Variants in ZNF875 observed in about 807,000 individuals in gnomAD.
The protein encoded by ZNF875 is zinc finger protein 875.
A neutral mutation model predicts 11.2 loss-of-function variants in ZNF875; 14 were observed. The ratio of observed to expected loss-of-function variants is 1.26; its 90% confidence interval spans 0.83 to 1.96. ZNF875 has a LOEUF of 1.96. ZNF875 is among the 30% of genes most tolerant of loss of function. The pLI, the probability that ZNF875 is intolerant of heterozygous loss-of-function variation, is 0.00. For missense variants in ZNF875, 752 were observed against 760.4 expected (o/e 0.99, Z 0.13); for synonymous variants, 301 against 281.1 (o/e 1.07, Z -0.71).
chr19:37,343,937 G>C (rs969234587), intron 2 of ZNF875, among the ~76,000 whole-genome samples: 2 of 152,146 alleles, frequency 1.3e-5, no homozygotes, highest in African/African-American at 4.8e-5. Context: ...CACAGAGAGA[G>C]TGCACTTTGG....
At chr19:37,332,594 C>G (rs1375507058), upstream of ZNF875, among the ~76,000 whole-genome samples, 1 of 152,224 alleles carries the variant, frequency 6.6e-6, no homozygotes, top group African/African-American at 2.4e-5. Flanking sequence ...AGGTTTAGAT[C>G]TGAAGTATTT....
chr19:37,314,290 T>A (rs1178976661), upstream of ZNF875, among the ~76,000 whole-genome samples: 2 of 152,080 alleles, frequency 1.3e-5, no homozygotes, highest in South Asian at 2.1e-4. Flanking sequence ...TATTATTATT[T>A]TTTTTATAGA....
chr19:37,359,142 C>T (rs574275243), intron 4 of ZNF875, among the ~76,000 whole-genome samples: 10 of 150,836 alleles, frequency 6.6e-5, no homozygotes, highest in South Asian at 4.2e-4. Flanking sequence ...TCAGGTGATC[C>T]GCCACCTCAG....
chr19:37,326,948 G>T (rs1268048941), intron 4 of ZNF875, among the ~76,000 whole-genome samples: 1 of 151,274 alleles, frequency 6.6e-6, no homozygotes, highest in Non-Finnish European at 1.5e-5. Context: ...GATTACAAGG[G>T]TGGGCCACCA....
chr19:37,360,608 A>G (rs966268189), intron 4 of ZNF875, among the ~76,000 whole-genome samples: 3 of 152,230 alleles, frequency 2.0e-5, no homozygotes, highest in South Asian at 2.1e-4. Context: ...TCATTCAACA[A>G]TGTTTGTTAA....
At chr19:37,321,023 C>T (rs187522060) in intron 1 of ZNF875, among the ~76,000 whole-genome samples, 1 of 152,120 alleles carries the variant, frequency 6.6e-6, no homozygotes. Flanking sequence ...AGGCAGCATG[C>T]TTGTTAAAAG....
intron 2 of ZNF875, among the ~76,000 whole-genome samples, chr19:37,339,376 ACTC>A (rs2035189118): frequency 6.6e-6 from 1 of 151,644 alleles, no homozygotes; most frequent in Non-Finnish European, 1.5e-5. Flanking sequence ...CAATTTTTGG[ACTC>A]CTGTTTCCAA....
At chr19:37,332,332 G>T (rs1281735633), upstream of ZNF875, among the ~76,000 whole-genome samples, 3 of 151,080 alleles carry the variant, frequency 2.0e-5, no homozygotes. Context: ...CCCACCTTAC[G>T]AGAAACACCC....
Position 37,334,746 on chromosome 19 carries a change from T to A in ZNF875, c.-93T>A, listed in dbSNP as rs1568579369. The A allele has an allele frequency of 2.2e-6, 1 of 456,260 alleles. No homozygotes were observed. The highest frequency in any genetic ancestry group is 1.5e-5 in the South Asian group (1 of 64,566). 28.3% of individuals were successfully genotyped at this position (456,260 alleles called of 1,614,324 possible). On this transcript the variant is annotated 5_prime_UTR_variant, in exon 1 of 5. Transcript: ENST00000392153. ...ACACCTCTGCACCTTGTTACCTGAC[T>A]TTCGGCTTCAGGATCCGCAGCGTGC...
chr19:37,320,121 C>G (rs1242301949), intron 1 of ZNF875, among the ~76,000 whole-genome samples: 3 of 152,134 alleles, frequency 2.0e-5, no homozygotes, highest in African/African-American at 4.8e-5. Flanking sequence ...GTAATCCACC[C>G]GCCTCGGCCT....
chr19:37,325,683 C>G (rs779530802), intron 4 of ZNF875, among the ~76,000 whole-genome samples: 7 of 151,666 alleles, frequency 4.6e-5, no homozygotes, highest in Admixed American at 2.0e-4. Context: ...GTAGTTTGGA[C>G]TACAGGCACA....
At chr19:37,361,688 C>G (rs2039948563) in intron 4 of ZNF875, among the ~76,000 whole-genome samples, 1 of 151,982 alleles carries the variant, frequency 6.6e-6, no homozygotes, top group African/African-American at 2.4e-5. Context: ...CTTTGGGAGG[C>G]TTAGGCTGAC....
At chr19:37,352,452 C>G (rs2038081459) in intron 4 of ZNF875, among the ~76,000 whole-genome samples, 1 of 152,064 alleles carries the variant, frequency 6.6e-6, no homozygotes, top group African/African-American at 2.4e-5. Flanking sequence ...CCATGTTGGC[C>G]AGGCTGGTCT....
intron 2 of ZNF875, among the ~76,000 whole-genome samples, chr19:37,344,318 T>TC (rs2036349625): frequency 6.6e-6 from 1 of 151,476 alleles, no homozygotes; most frequent in Non-Finnish European, 1.5e-5. Flanking sequence ...ATTGCTGGGC[T>TC]CCCCCCGCAA....
rs116264622 is a variant in ZNF875, at chr19:37,345,326, C to T, written c.34-1864C>T. Among the ~76,000 whole-genome samples the T allele has an allele frequency of 6.4e-3, 976 of 151,846 alleles. 9 individuals carry two copies. Among genetic ancestry groups the T allele is most frequent in the African/African-American group, 0.022 (909 of 41,136 alleles). ...CATTGGGACTGGCTGGGTTTGGGGA[C>T]AGCTATCGATATAACTGAGTGTAGG... On this transcript the variant is annotated intron_variant, in intron 2 of 4. Transcript: ENST00000392153.
intron 4 of ZNF875, among the ~76,000 whole-genome samples, chr19:37,357,315 C>A (rs1175684199): frequency 3.3e-5 from 5 of 151,940 alleles, no homozygotes; most frequent in Non-Finnish European, 7.4e-5. Flanking sequence ...CTTTGTTGGT[C>A]CCATATGAAT....
chr19:37,347,132 A>G (rs2036947185), intron 2 of ZNF875, 58 bp from the exon 3 acceptor site: 4 of 1,610,580 alleles, frequency 2.5e-6, no homozygotes, highest in Non-Finnish European at 3.4e-6. Context: ...CTCTCATTCT[A>G]AAGTGTGGGA....
At chr19:37,332,281 A>G (rs1283982674), upstream of ZNF875, among the ~76,000 whole-genome samples, 3 of 150,280 alleles carry the variant, frequency 2.0e-5, no homozygotes, top group South Asian at 4.3e-4. Flanking sequence ...TTCTTTCTCT[A>G]TACTTTGTCT....
chr19:37,357,198 T>TA (rs2039062833), intron 4 of ZNF875, among the ~76,000 whole-genome samples: 2 of 152,190 alleles, frequency 1.3e-5, no homozygotes, highest in African/African-American at 4.8e-5. Context: ...TTTTTGTACT[T>TA]ACACCGTGCT....
Sources: gnomAD v4.1 joint callset for allele counts (sites outside exome capture counted in the v4.1 genomes callset) on GRCh38, gnomAD v4.1.1 for gene constraint, MANE v1.5 for transcripts, NCBI Gene and HGNC (gene_info 2026-07-23, HGNC 2026-07-21) for gene names.